CEP83: variants seen among roughly 807,000 people sequenced by gnomAD.
CEP83 encodes the protein centrosomal protein of 83 kDa.
Under a neutral mutation model 101.9 loss-of-function variants are expected in CEP83, and 70 were observed. That is an observed-to-expected ratio of 0.69 (90% CI 0.57 to 0.84). CEP83 has a LOEUF of 0.84. Among genes scored for constraint, CEP83 ranks in the 40% least tolerant of loss-of-function variants. The probability of loss-of-function intolerance (pLI) is 0.00; values close to 1 mark genes in which losing one functional copy is unlikely to be tolerated. For missense variants in CEP83, 715 were observed against 787.2 expected, an observed-to-expected ratio of 0.91 and a Z score of 1.10; for synonymous variants, 264 against 267.9, an observed-to-expected ratio of 0.99 and a Z score of 0.14.
At chr12:94,288,757 C>T in the CEP83 span, among the ~76,000 whole-genome samples, 3 of 152,152 alleles carry the variant, frequency 2.0e-5, no homozygotes, top group Admixed American at 6.5e-5. Context: ...AGGGAGAAGA[C>T]GATACTGACG....
At chr12:94,373,725 A>G (rs1593500821) in intron 8 of CEP83, among the ~76,000 whole-genome samples, 1 of 152,166 alleles carries the variant, frequency 6.6e-6, no homozygotes, top group East Asian at 2.0e-4. Context: ...AGACACTGAT[A>G]CTCACACTGA....
intron 12 of CEP83, 45 bp from the exon 13 acceptor site, chr12:94,333,684 T>C: frequency 6.3e-7 from 1 of 1,582,108 alleles, no homozygotes; most frequent in Non-Finnish European, 8.6e-7. Context: ...ACTAAATAAA[T>C]GCGGTAAGGT....
Position 94,310,106 on chromosome 12 carries a change from GTCTT to G in CEP83, c.1812-3_1812del. ...GTATAGTCTTCAAAAGGAACATTTTGTCTTAAAAAGAAAAAGAAATGTTTCTTTA... is the reference window on the plus strand; with the variant it reads ...GTATAGTCTTCAAAAGGAACATTTTGAAAAAGAAAAAGAAATGTTTCTTTA... On this transcript the variant is annotated splice_acceptor_variant and splice_polypyrimidine_tract_variant and coding_sequence_variant and intron_variant, in exon 16 of 17. Transcript: ENST00000397809. LOFTEE classifies it high-confidence loss of function. 6.7e-7 allele frequency: 1 copy of G among 1,500,268 alleles called. No homozygotes were observed. Among genetic ancestry groups the G allele is most frequent in the Admixed American group, 1.8e-5 (1 of 54,132 alleles). The allele number at this position is 1,500,268 out of a possible 1,614,324, so 92.9% of individuals were successfully genotyped here. A position where few individuals can be genotyped will look rare whatever the true frequency, so the allele number is the denominator to read the frequency against.
At chr12:94,448,943 A>T (rs1463559532) in intron 1 of CEP83, among the ~76,000 whole-genome samples, 1 of 151,878 alleles carries the variant, frequency 6.6e-6, no homozygotes, top group Non-Finnish European at 1.5e-5. Context: ...GTAGTGTGGA[A>T]ATCAGTGAAA....
At chr12:94,449,922 C>G (rs1257615369) in intron 1 of CEP83, among the ~76,000 whole-genome samples, 1 of 151,216 alleles carries the variant, frequency 6.6e-6, no homozygotes, top group Non-Finnish European at 1.5e-5. Flanking sequence ...ACCATATCAT[C>G]AGATGCAGGA....
chr12:94,291,030 G>A, the CEP83 span, among the ~76,000 whole-genome samples: 58 of 152,296 alleles, frequency 3.8e-4, no homozygotes, highest in African/African-American at 1.3e-3. Context: ...CCCTTTGCCC[G>A]AAGGGCACTT....
Position 94,308,303 on chromosome 12 carries a change from A to G in CEP83, c.*510T>C, listed in dbSNP as rs1969289884. The stretch of plus-strand genomic sequence containing the variant: ...GATTAAAAAAAAATTAAGCTCTTTA[A>G]TTATGTGCACACAGATTTTAGAAAA... On this transcript the variant is annotated 3_prime_UTR_variant, in exon 17 of 17. Transcript: ENST00000397809. 1 of 152,274 alleles carries G rather than the reference A, an allele frequency of 6.6e-6. No homozygotes were observed. Among genetic ancestry groups the G allele is most frequent in the Non-Finnish European group, 1.5e-5 (1 of 68,084 alleles). The allele number at this position is 152,274 out of a possible 1,614,324, so 9.4% of individuals were successfully genotyped here.
intron 11 of CEP83, among the ~76,000 whole-genome samples, chr12:94,338,604 G>A (rs371711925): frequency 9.2e-5 from 14 of 152,292 alleles, no homozygotes; most frequent in African/African-American, 3.4e-4. Flanking sequence ...TGCAAAAAAA[G>A]TTATTGGTAT....
intron 14 of CEP83, among the ~76,000 whole-genome samples, chr12:94,315,329 G>C (rs980742472): frequency 1.3e-5 from 2 of 152,084 alleles, no homozygotes; most frequent in Non-Finnish European, 2.9e-5. Flanking sequence ...TTTCCTGATA[G>C]CTAAAGGTAT....
chr12:94,278,425 A>C, the CEP83 span, among the ~76,000 whole-genome samples: 2 of 152,230 alleles, frequency 1.3e-5, no homozygotes, highest in African/African-American at 4.8e-5. Context: ...ATTGCTTTTC[A>C]GTTTGTTTTG....
intron 2 of CEP83, among the ~76,000 whole-genome samples, chr12:94,432,117 C>T (rs1319052346): frequency 3.3e-5 from 5 of 151,332 alleles, no homozygotes; most frequent in Admixed American, 6.6e-5. Context: ...TGCAGTGGCG[C>T]GATCTCAGCT....
At chr12:94,423,752 T>G in intron 2 of CEP83, 1 of 1,613,232 alleles carries the variant, frequency 6.2e-7, no homozygotes, top group South Asian at 1.1e-5. Flanking sequence ...TGTTACTTGT[T>G]GAACTGGAAA....
chr12:94,342,961 T>G (rs2059750441), intron 11 of CEP83, among the ~76,000 whole-genome samples: 1 of 151,996 alleles, frequency 6.6e-6, no homozygotes, highest in Admixed American at 6.6e-5. Context: ...AATAGGAGAC[T>G]TTAATATATC....
the CEP83 span, chr12:94,272,263 A>C: frequency 6.6e-6 from 1 of 152,270 alleles, no homozygotes; most frequent in Non-Finnish European, 1.5e-5. Context: ...CCCTGGTGGC[A>C]TTCTGGGTGG....
intron 1 of CEP83, 36 bp downstream of exon 1, chr12:94,459,521 A>G (rs1360237930): frequency 6.6e-6 from 1 of 152,344 alleles, no homozygotes; most frequent in Non-Finnish European, 1.5e-5. Context: ...CCAAAATACA[A>G]ACAAGACACC....
chr12:94,459,955 G>A (rs74668211), upstream of CEP83: 10,864 of 152,620 alleles, frequency 0.071, 484 homozygotes, highest in Non-Finnish European at 0.096. Context: ...TCTGTCCCTT[G>A]GCCCAGCGGC....
chr12:94,325,828 A>C (rs768276448), intron 14 of CEP83, among the ~76,000 whole-genome samples: 10 of 152,170 alleles, frequency 6.6e-5, no homozygotes, highest in Non-Finnish European at 1.5e-4. Context: ...CCAAAAATTC[A>C]TGGGCACCCA....
rs1167485702 is a variant in CEP83, at chr12:94,368,199, A to G, written c.1051T>C (p.Leu351=). The change falls in exon 10 of 17, where the codon TTA becomes CTA. Residue 351 remains leucine, a splice_region_variant and synonymous_variant. Transcript: ENST00000397809. ...TTGAGAATTTCATTGTCTGACTGTAATCCTAGTGTTTTTCAAGGAGAAAAG... is the reference window on the plus strand; with the variant it reads ...TTGAGAATTTCATTGTCTGACTGTAGTCCTAGTGTTTTTCAAGGAGAAAAG... ...RNKIQSELDG[L]QSDNEILKAA... is the part of the protein sequence containing the mutation. 2 of 1,608,030 alleles carry G rather than the reference A, an allele frequency of 1.2e-6. No homozygotes were observed. The highest frequency in any genetic ancestry group is 2.2e-5 in the South Asian group (2 of 89,454).
chr12:94,433,873 T>C (rs1267999202), intron 2 of CEP83: 1 of 152,190 alleles, frequency 6.6e-6, no homozygotes, highest in Non-Finnish European at 1.5e-5. Flanking sequence ...AAAGAAAGGT[T>C]GTTTCAAAGA....
Sources: gnomAD v4.1 joint callset for allele counts (sites outside exome capture counted in the v4.1 genomes callset) on GRCh38, gnomAD v4.1.1 for gene constraint, MANE v1.5 for transcripts, NCBI Gene and HGNC (gene_info 2026-07-23, HGNC 2026-07-21) for gene names.